PXDNL: variants seen among roughly 807,000 people sequenced by gnomAD.
PXDNL encodes the protein peroxidasin like.
In PXDNL, 145 loss-of-function variants were observed where a neutral mutation model predicts 150.8. The ratio of observed to expected loss-of-function variants is 0.96; its 90% CI spans 0.84 to 1.10. PXDNL has a LOEUF of 1.10. PXDNL is among the 50% of genes least tolerant of loss of function. The probability of loss-of-function intolerance (pLI) is 0.00; values close to 1 mark genes in which losing one functional copy is unlikely to be tolerated. For synonymous variants in PXDNL, 757 were observed against 725.7 expected, an observed-to-expected ratio of 1.04 and a Z score of -0.69; for missense variants, 2,087 against 1,873.9, an observed-to-expected ratio of 1.11 and a Z score of -2.10.
intron 1 of PXDNL, among the ~76,000 whole-genome samples, chr8:51,717,935 A>G (rs1816650866): frequency 6.6e-6 from 1 of 152,198 alleles, no homozygotes; most frequent in South Asian, 2.1e-4. Context: ...TGTCACCTAA[A>G]AGCAAAGTGA....
rs989905199 is a variant in PXDNL at position 51,320,079 on chromosome 8, A to C, written c.4261-57T>G. On this transcript the variant is annotated intron_variant, in intron 22 of 22. Coordinates refer to ENST00000356297, the MANE Select transcript of PXDNL (RefSeq NM_144651.5). ...GTTTCTTATAATCAAAGTACTTAAA[A>C]GACAAATAAATGTTTCTTATAATAC... The C allele has an allele frequency of 7.1e-6, 9 of 1,275,278 alleles. No homozygotes were observed. In the Admixed American group the frequency reaches 2.9e-4, roughly 41 times the overall value. 79.0% of individuals were successfully genotyped at this position (1,275,278 alleles called of 1,614,324 possible).
At chr8:51,607,604 G>C (rs1327406400) in intron 2 of PXDNL, among the ~76,000 whole-genome samples, 4 of 150,930 alleles carry the variant, frequency 2.7e-5, no homozygotes, top group Non-Finnish European at 5.9e-5. Context: ...ACTTTGGGAG[G>C]CCGAGGTGGG....
At chr8:51,436,451 CG>C in intron 12 of PXDNL, 1 of 356,616 alleles carries the variant, frequency 2.8e-6, no homozygotes, top group East Asian at 6.7e-5. Flanking sequence ...AATCAGCAAG[CG>C]AAAGATGTGC....
At chr8:51,684,255 G>A (rs563146179) in intron 1 of PXDNL, among the ~76,000 whole-genome samples, 59 of 152,166 alleles carry the variant, frequency 3.9e-4, no homozygotes, top group Non-Finnish European at 6.0e-4. Context: ...CAAGGCCAAA[G>A]CAAAAGTTAA....
At chr8:51,493,087 C>T (rs1482965353) in intron 5 of PXDNL, among the ~76,000 whole-genome samples, 2 of 152,164 alleles carry the variant, frequency 1.3e-5, no homozygotes, top group Non-Finnish European at 2.9e-5. Context: ...GACAAAACTT[C>T]CAGAGGAACG....
chr8:51,378,105 A>C (rs894801537), intron 17 of PXDNL, among the ~76,000 whole-genome samples: 34 of 151,144 alleles, frequency 2.2e-4, no homozygotes, highest in Admixed American at 1.4e-3. Context: ...GTATCTAGCT[A>C]ATCTGGTGGG....
chr8:51,492,287 G>A (rs1821115), intron 5 of PXDNL, among the ~76,000 whole-genome samples: 48,757 of 152,100 alleles, frequency 0.32, 8,697 homozygotes, highest in African/African-American at 0.47. Flanking sequence ...GCTAGATACA[G>A]TAAATTTATT....
intron 17 of PXDNL, among the ~76,000 whole-genome samples, chr8:51,395,105 C>T (rs150262241): frequency 8.5e-5 from 13 of 152,312 alleles, no homozygotes; most frequent in Non-Finnish European, 1.0e-4. Flanking sequence ...GTGAAGATGA[C>T]TCTGCAGAGC....
At chr8:51,641,146 A>T (rs1009404762) in intron 2 of PXDNL, among the ~76,000 whole-genome samples, 195 of 151,188 alleles carry the variant, frequency 1.3e-3, no homozygotes, top group African/African-American at 4.4e-3. Flanking sequence ...AAAACTGGCT[A>T]GCCATATGTA....
chr8:51,704,968 G>T (rs1816330090), intron 1 of PXDNL, among the ~76,000 whole-genome samples: 1 of 152,050 alleles, frequency 6.6e-6, no homozygotes. Flanking sequence ...CTCTTCTCAG[G>T]GATACTGGAG....
At chr8:51,569,990 G>A (rs1464380009) in intron 3 of PXDNL, among the ~76,000 whole-genome samples, 1 of 151,902 alleles carries the variant, frequency 6.6e-6, no homozygotes, top group African/African-American at 2.4e-5. Flanking sequence ...GGATCACTGC[G>A]AAGCTGCAGA....
chr8:51,460,250 CA>C (rs879324201), intron 8 of PXDNL, among the ~76,000 whole-genome samples: 2,408 of 122,428 alleles, frequency 0.02, 54 homozygotes, highest in African/African-American at 0.062. Context: ...CTGTCTGTCT[CA>C]AAAAAAAAAA....
chr8:51,767,287 C>T (rs2037242086), intron 1 of PXDNL, among the ~76,000 whole-genome samples: 1 of 151,842 alleles, frequency 6.6e-6, no homozygotes, highest in African/African-American at 2.4e-5. Flanking sequence ...CTACCCTCCT[C>T]CTTTCTCTGT....
chr8:51,758,512 T>G (rs545874941), intron 1 of PXDNL, among the ~76,000 whole-genome samples: 12 of 152,358 alleles, frequency 7.9e-5, no homozygotes, highest in African/African-American at 2.9e-4. Context: ...AATCTCATCT[T>G]GAATTATAAT....
chr8:51,386,103 T>C (rs1489875770), intron 17 of PXDNL, among the ~76,000 whole-genome samples: 1 of 152,044 alleles, frequency 6.6e-6, no homozygotes, highest in Non-Finnish European at 1.5e-5. Context: ...CATTCTTTTT[T>C]TTTTTTGACA....
At chr8:51,655,668 A>G (rs1470298608) in intron 1 of PXDNL, among the ~76,000 whole-genome samples, 1 of 152,108 alleles carries the variant, frequency 6.6e-6, no homozygotes, top group Non-Finnish European at 1.5e-5. Context: ...CCACGGGCAT[A>G]CTGTTTCTTC....
At chr8:51,533,932 C>T (rs1300577703) in intron 4 of PXDNL, among the ~76,000 whole-genome samples, 3 of 150,786 alleles carry the variant, frequency 2.0e-5, no homozygotes, top group African/African-American at 7.4e-5. Flanking sequence ...AGGAGCGTCT[C>T]TGCCTGGCCC....
At chr8:51,734,971 G>A (rs1428426789) in intron 1 of PXDNL, among the ~76,000 whole-genome samples, 1 of 152,156 alleles carries the variant, frequency 6.6e-6, no homozygotes, top group East Asian at 1.9e-4. Context: ...AAGTTCAGGA[G>A]ATCAATTGTA....
chr8:51,499,713 CAGA>C lies in PXDNL; in HGVS notation c.435_437del (p.Leu146del). On this transcript the variant is annotated inframe_deletion, in exon 5 of 23. Transcript: ENST00000356297. ...TCAACACTTACAGTCGCTCTAATCT[CAGA>C]AGGTCTCCAAAGGTCTCTGGCTGTA... is the stretch of plus-strand genomic sequence containing the variant. 6.2e-7 allele frequency: 1 copy of C among 1,612,584 alleles called. No homozygotes were observed. The highest frequency in any genetic ancestry group is 8.5e-7 in the Non-Finnish European group (1 of 1,178,676).
Sources: allele counts gnomAD v4.1 joint callset (sites outside exome capture counted in the v4.1 genomes callset), GRCh38; gene constraint gnomAD v4.1.1; transcripts MANE v1.5; gene names NCBI Gene and HGNC (gene_info 2026-07-23, HGNC 2026-07-21).